Variants in SLC1A6 observed in about 807,000 individuals in gnomAD.
The protein encoded by SLC1A6 is solute carrier family 1 member 6, also known as excitatory amino acid transporter 4.
A neutral mutation model predicts 42.1 loss-of-function variants in SLC1A6; 15 were observed. The ratio of observed to expected loss-of-function variants is 0.36; its 90% CI spans 0.24 to 0.55. SLC1A6 has a LOEUF of 0.55. SLC1A6 is among the 20% of genes least tolerant of loss of function. SLC1A6 has a pLI of 0.88. For synonymous variants in SLC1A6, 317 were observed against 319.7 expected (o/e 0.99, Z 0.09); for missense variants, 542 against 772.5 (o/e 0.70, Z 3.54).
At chr19:14,994,641 G>A (rs145127785) in intron 1 of SLC1A6, among the ~76,000 whole-genome samples, 120 of 152,226 alleles carry the variant, frequency 7.9e-4, no homozygotes, top group African/African-American at 2.8e-3. Flanking sequence ...AATCTGGTGG[G>A]GTTGGCTTTG....
chr19:14,995,136 C>A (rs1312093888), intron 1 of SLC1A6, among the ~76,000 whole-genome samples: 2 of 151,828 alleles, frequency 1.3e-5, no homozygotes, highest in Admixed American at 1.3e-4. Context: ...ACCAGCCTGG[C>A]CAATATGGCG....
intron 1 of SLC1A6, among the ~76,000 whole-genome samples, chr19:15,006,048 T>C (rs1045492717): frequency 6.6e-6 from 1 of 152,254 alleles, no homozygotes; most frequent in Non-Finnish European, 1.5e-5. Flanking sequence ...CCTGGTTCTT[T>C]GTGAAACCCT....
intron 8 of SLC1A6, 67 bp downstream of exon 8, chr19:14,954,068 C>CCCACCCAG: frequency 3.9e-6 from 4 of 1,032,740 alleles, no homozygotes; most frequent in Non-Finnish European, 5.7e-6. Context: ...CCCTCCCCAA[C>CCCACCCAG]CCTCCCAGCC....
chr19:14,971,916 G>A (rs780424468), intron 2 of SLC1A6, 42 bp from the exon 3 acceptor site: 22 of 1,608,350 alleles, frequency 1.4e-5, no homozygotes, highest in African/African-American at 4.0e-5. Context: ...AGTCTGGGTC[G>A]CTCAGCCCCA....
chr19:14,995,422 A>G (rs1373892877), intron 1 of SLC1A6, among the ~76,000 whole-genome samples: 1 of 151,998 alleles, frequency 6.6e-6, no homozygotes, highest in Non-Finnish European at 1.5e-5. Context: ...AGTGGTTACC[A>G]TACCATAGCC....
chr19:15,003,839 T>C (rs1488943755), intron 1 of SLC1A6, among the ~76,000 whole-genome samples: 1 of 152,154 alleles, frequency 6.6e-6, no homozygotes, highest in Admixed American at 6.6e-5. Flanking sequence ...AAGGAATTTC[T>C]ATAAAGTGTT....
intron 5 of SLC1A6, 173 bp downstream of exon 5, chr19:14,964,146 A>G: frequency 1.6e-6 from 1 of 631,590 alleles, no homozygotes; most frequent in Non-Finnish European, 2.9e-6. Context: ...CTTCTCCCTA[A>G]CCCCCCCAGA....
chr19:14,987,782 G>A (rs80063179), intron 1 of SLC1A6, among the ~76,000 whole-genome samples: 3,278 of 152,220 alleles, frequency 0.022, 134 homozygotes, highest in African/African-American at 0.075. Context: ...ACCATGCCCA[G>A]CTAGAAAGCA....
intron 2 of SLC1A6, among the ~76,000 whole-genome samples, chr19:14,972,374 G>A (rs552115103): frequency 6.5e-5 from 7 of 108,058 alleles, no homozygotes; most frequent in Admixed American, 5.8e-4. Context: ...ATGCACAAGT[G>A]TGCATGTTTG....
upstream of SLC1A6, among the ~76,000 whole-genome samples, chr19:14,982,863 C>T (rs2045774801): frequency 6.6e-6 from 1 of 152,020 alleles, no homozygotes; most frequent in African/African-American, 2.4e-5. Flanking sequence ...TTTAACATAA[C>T]AAAAATAAAC....
rs148218390 is a variant in SLC1A6 at position 15,004,539 on chromosome 19, C to CAAA, written c.6+5943_6+5945dup. Among the ~76,000 whole-genome samples, 211 of 120,454 alleles carry CAAA rather than the reference C, an allele frequency of 1.8e-3. 16 individuals carry two copies. Among genetic ancestry groups the CAAA allele is most frequent in the African/African-American group, 6.0e-3 (186 of 30,962 alleles). 79.0% of individuals were successfully genotyped at this position (120,454 alleles called of 152,430 possible). ...GCAACATAGCAAGACCTCACCTCTACAAAAAAAAAAAAAAGTCAATTGTGA... is the reference window on the plus strand; with the variant it reads ...GCAACATAGCAAGACCTCACCTCTACAAAAAAAAAAAAAAAAAGTCAATTGTGA... On this transcript the variant is annotated intron_variant, in intron 1 of 8. Coordinates refer to the SLC1A6 transcript ENST00000430939.
chr19:14,954,866 A>T (rs1487112769), intron 7 of SLC1A6, among the ~76,000 whole-genome samples: 1 of 152,154 alleles, frequency 6.6e-6, no homozygotes, highest in Non-Finnish European at 1.5e-5. Flanking sequence ...ACTACACACT[A>T]GTTTATGGCA....
At chr19:14,983,099 T>C (rs1287691052), upstream of SLC1A6, among the ~76,000 whole-genome samples, 1 of 152,180 alleles carries the variant, frequency 6.6e-6, no homozygotes, top group African/African-American at 2.4e-5. Context: ...GACCCCAAAA[T>C]TAATACTTGC....
intron 1 of SLC1A6, chr19:14,973,215 A>G: frequency 2.6e-6 from 1 of 378,100 alleles, no homozygotes; most frequent in Non-Finnish European, 4.7e-6. Context: ...ACAGTGATCT[A>G]TGATCTTCCC....
At chr19:14,976,346 C>T (rs549620701) in intron 1 of SLC1A6, among the ~76,000 whole-genome samples, 200 of 152,256 alleles carry the variant, frequency 1.3e-3, no homozygotes, top group African/African-American at 4.6e-3. Context: ...ATAAATAGAT[C>T]TGTATCACAT....
chr19:14,989,156 T>C (rs567023044), intron 1 of SLC1A6, among the ~76,000 whole-genome samples: 208 of 152,276 alleles, frequency 1.4e-3, no homozygotes, highest in Non-Finnish European at 2.6e-3. Flanking sequence ...CACTACCTGT[T>C]AGGTACAATA....
chr19:14,959,298 T>G (rs1293468949), intron 6 of SLC1A6, among the ~76,000 whole-genome samples: 1 of 152,236 alleles, frequency 6.6e-6, no homozygotes. Context: ...TTTAAATTAT[T>G]AGCCAGTCGG....
At chr19:15,001,000 G>T (rs990946441) in intron 1 of SLC1A6, among the ~76,000 whole-genome samples, 3 of 152,206 alleles carry the variant, frequency 2.0e-5, no homozygotes, top group Non-Finnish European at 2.9e-5. Context: ...AAACAGAAAA[G>T]ATGTTTGAAG....
chr19:14,968,204 C>G lies in SLC1A6; in HGVS notation c.548+99G>C. 3.9e-6 allele frequency: 4 copies of G among 1,017,132 alleles called. No homozygotes were observed. The South Asian group carries it at 6.3e-5, about 16-fold the overall frequency. 63.0% of individuals were successfully genotyped at this position (1,017,132 alleles called of 1,614,324 possible). A position where few individuals can be genotyped will look rare whatever the true frequency, so the allele number is the denominator to read the frequency against. On this transcript the variant is annotated intron_variant, in intron 4 of 9. Transcript: ENST00000594383. Reference sequence around the variant, plus strand: ...CTGCTCTTGACCGGACGCATGCTTCCCAGCCTGTGGGATGACCTCTTTGCA... The same window carrying G: ...CTGCTCTTGACCGGACGCATGCTTCGCAGCCTGTGGGATGACCTCTTTGCA...
Sources: allele counts gnomAD v4.1 joint callset (sites outside exome capture counted in the v4.1 genomes callset), GRCh38; gene constraint gnomAD v4.1.1; transcripts MANE v1.5; gene names NCBI Gene and HGNC (gene_info 2026-07-23, HGNC 2026-07-21).